ARPC5: variants seen among roughly 807,000 people sequenced by gnomAD.
The protein encoded by ARPC5 is actin-related protein 2/3 complex subunit 5.
In ARPC5, 5 loss-of-function variants were observed where a neutral mutation model predicts 15.4. The ratio of observed to expected loss-of-function variants is 0.32; its 90% CI spans 0.17 to 0.68. The LOEUF (loss-of-function observed/expected upper bound fraction) is 0.68, where lower values mean the gene tolerates loss of function less well. Ranked by LOEUF, ARPC5 falls within the 30% of genes least tolerant of loss-of-function variation. The probability of loss-of-function intolerance (pLI) is 0.71; values close to 1 mark genes in which losing one functional copy is unlikely to be tolerated. For synonymous variants in ARPC5, 85 were observed against 72.2 expected (o/e 1.18, Z -0.90); for missense variants, 138 against 192.8 (o/e 0.72, Z 1.68).
At chr1:183,628,265 TAGTC>T (rs1168324562) in intron 3 of ARPC5, among the ~76,000 whole-genome samples, 2 of 147,646 alleles carry the variant, frequency 1.4e-5, no homozygotes, top group Non-Finnish European at 1.5e-5. Context: ...TCTCACCACA[TAGTC>T]AGAAGAAAAT....
Position 183,623,537 on chromosome 1 carries a change from G to C in ARPC5, c.*3995C>G. The C allele has an allele frequency of 6.5e-7, 1 of 1,549,418 alleles. No individual in the cohort carries two copies. The highest frequency in any genetic ancestry group is 1.7e-4 in the Middle Eastern group (1 of 5,768). ...ACTAGTGACATTGGGGTGAGGGGGA[G>C]AGGGAGTGGGGCAGAGGTCCCGCGG... is the stretch of plus-strand genomic sequence containing the variant. On this transcript the variant is annotated 3_prime_UTR_variant, in exon 4 of 4. Transcript: ENST00000359856.
rs1309445357 is a variant in ARPC5 at position 183,622,595 on chromosome 1, A to C, written c.*4937T>G. The C allele has an allele frequency of 6.6e-6, 1 of 152,242 alleles. No homozygotes were observed. The highest frequency in any genetic ancestry group is 2.4e-5 in the African/African-American group (1 of 41,458). The allele number at this position is 152,242 out of a possible 1,614,324, so 9.4% of individuals were successfully genotyped here. ...TAAGGAAAACAAGGGGTATTGGGTC[A>C]CATCTCTGCTCTTAGAAGGTGATGC... On this transcript the variant is annotated 3_prime_UTR_variant, in exon 4 of 4. Transcript: ENST00000359856.
intron 3 of ARPC5, among the ~76,000 whole-genome samples, chr1:183,630,068 C>T (rs1373334200): frequency 1.3e-5 from 2 of 152,114 alleles, no homozygotes; most frequent in African/African-American, 4.8e-5. Flanking sequence ...AATGTCATTC[C>T]TTTTAATGGT....
rs1302835361 is a variant in ARPC5 at position 183,626,774 on chromosome 1, G to GT, written c.*757dup. 1.3e-5 allele frequency: 2 copies of GT among 152,404 alleles called. No homozygotes were observed. The highest frequency in any genetic ancestry group is 4.8e-5 in the African/African-American group (2 of 41,440). 9.4% of individuals were successfully genotyped at this position (152,404 alleles called of 1,614,324 possible). On this transcript the variant is annotated 3_prime_UTR_variant, in exon 4 of 4. Transcript: ENST00000359856. ...TGCAAATCATTCTTTCTGATTTGCA[G>GT]TTTTTTCCAAACAGAGCCATATTAG... is the stretch of plus-strand genomic sequence containing the variant.
intron 1 of ARPC5, chr1:183,633,858 CCAAT>C (rs1649338317): frequency 6.6e-6 from 1 of 152,158 alleles, no homozygotes; most frequent in East Asian, 1.9e-4. Flanking sequence ...AAACAGAAGG[CCAAT>C]CAGACTGTCA....
At chr1:183,630,800 C>A (rs995686932) in intron 2 of ARPC5, 163 bp from the exon 3 acceptor site, 1 of 647,060 alleles carries the variant, frequency 1.5e-6, no homozygotes, top group African/African-American at 1.8e-5. Flanking sequence ...GAGGAAAGAA[C>A]AGTGCTATTA....
In ARPC5 at chr1:183,626,343, G is replaced by C. The variant is rs1012617327; in HGVS notation, c.*1189C>G. 2 of 152,228 alleles carry C rather than the reference G, an allele frequency of 1.3e-5. No homozygotes were observed. The highest frequency in any genetic ancestry group is 1.3e-4 in the Admixed American group (2 of 15,282). The allele number at this position is 152,228 out of a possible 1,614,324, so 9.4% of individuals were successfully genotyped here. ...ACATAAGTCAGTGATTACAAAACTG[G>C]CATCCAATGTAAATACTAAGCACAA... is the stretch of plus-strand genomic sequence containing the variant. On this transcript the variant is annotated 3_prime_UTR_variant, in exon 4 of 4. Coordinates refer to ENST00000359856, the MANE Select transcript of ARPC5 (RefSeq NM_005717.4).
intron 1 of ARPC5, 79 bp downstream of exon 1, chr1:183,635,438 A>G: frequency 3.4e-6 from 5 of 1,468,672 alleles, no homozygotes; most frequent in Non-Finnish European, 4.5e-6. Flanking sequence ...TGCCCCGCGG[A>G]TCCTGCAGGC....
intron 3 of ARPC5, among the ~76,000 whole-genome samples, chr1:183,628,196 A>AAAAT (rs1649167777): frequency 6.7e-6 from 1 of 148,448 alleles, no homozygotes; most frequent in Admixed American, 6.6e-5. Context: ...AAAAAAAAAA[A>AAAAT]AAAAAATCTG....
intron 1 of ARPC5, 149 bp downstream of exon 1, chr1:183,635,368 G>C (rs1649443340): frequency 3.1e-6 from 3 of 961,312 alleles, no homozygotes; most frequent in Admixed American, 3.4e-5. Flanking sequence ...TGCCCTCTCA[G>C]AGCGGGCGAT....
In ARPC5 at chr1:183,623,408, T is replaced by A; in HGVS notation, c.*4124A>T. 6.5e-7 allele frequency: 1 copy of A among 1,550,340 alleles called. No individual in the cohort carries two copies. The highest frequency in any genetic ancestry group is 8.7e-7 in the Non-Finnish European group (1 of 1,146,782). On this transcript the variant is annotated 3_prime_UTR_variant, in exon 4 of 4. Coordinates refer to ENST00000359856, the MANE Select transcript of ARPC5 (RefSeq NM_005717.4). Reference sequence around the variant, plus strand: ...TGAAGTAGCACCACCTTGAGGCAGATGACATGCTGTACCTCTGTGGGCTTC... The same window carrying A: ...TGAAGTAGCACCACCTTGAGGCAGAAGACATGCTGTACCTCTGTGGGCTTC...
At chr1:183,629,851 A>G (rs1649215598) in intron 3 of ARPC5, among the ~76,000 whole-genome samples, 1 of 152,160 alleles carries the variant, frequency 6.6e-6, no homozygotes, top group South Asian at 2.1e-4. Context: ...TACCACTCCA[A>G]GGAGGAACTC....
In ARPC5 at chr1:183,623,206, G is replaced by A; in HGVS notation, c.*4326C>T. 1.8e-6 allele frequency: 1 copy of A among 565,714 alleles called. No homozygotes were observed. 35.0% of individuals were successfully genotyped at this position (565,714 alleles called of 1,614,324 possible). ...AGGTGGGTCATACACTACTCAATTT[G>A]TGTTTCATGTGGTGTGGATTCTAGG... On this transcript the variant is annotated 3_prime_UTR_variant, in exon 4 of 4. Transcript: ENST00000359856.
intron 3 of ARPC5, among the ~76,000 whole-genome samples, chr1:183,629,580 TTA>T: frequency 6.6e-6 from 1 of 152,338 alleles, no homozygotes; most frequent in Admixed American, 6.5e-5. Flanking sequence ...ATCCAGTTTT[TTA>T]CCCAAAGCTC....
Position 183,628,471 on chromosome 1 carries a change from A to C in ARPC5, c.394-877T>G, listed in dbSNP as rs574138868. Reference sequence around the variant, plus strand: ...AGCTCTGGTTTCTTTCTGTTCAAAAAATATTTATGGAATACCTTTGTATAC... The same window carrying C: ...AGCTCTGGTTTCTTTCTGTTCAAAACATATTTATGGAATACCTTTGTATAC... On this transcript the variant is annotated intron_variant, in intron 3 of 3. Transcript: ENST00000359856. Among the ~76,000 whole-genome samples the C allele has an allele frequency of 3.0e-4, 45 of 152,324 alleles. No individual in the cohort carries two copies. The South Asian group carries it at 4.8e-3, about 16-fold the overall frequency.
Position 183,624,549 on chromosome 1 carries a change from CA to C in ARPC5, c.*2982del, listed in dbSNP as rs899696902. The C allele has an allele frequency of 7.3e-6, 1 of 137,786 alleles. No individual in the cohort carries two copies. Among genetic ancestry groups the C allele is most frequent in the Non-Finnish European group, 1.6e-5 (1 of 62,580 alleles). The allele number at this position is 137,786 out of a possible 1,614,324, so 8.5% of individuals were successfully genotyped here. A position where few individuals can be genotyped will look rare whatever the true frequency, so the allele number is the denominator to read the frequency against. ...CAAAACAAAACAAAACAAAACAAAACAAAAAACATTAAAACTGCAAGAACAG... is the reference window on the plus strand; with the variant it reads ...CAAAACAAAACAAAACAAAACAAAACAAAAACATTAAAACTGCAAGAACAG... On this transcript the variant is annotated 3_prime_UTR_variant, in exon 4 of 4. Coordinates refer to ENST00000359856, the MANE Select transcript of ARPC5 (RefSeq NM_005717.4).
intron 3 of ARPC5, among the ~76,000 whole-genome samples, chr1:183,629,488 G>A (rs1649204086): frequency 6.7e-6 from 1 of 148,736 alleles, no homozygotes; most frequent in Non-Finnish European, 1.5e-5. Flanking sequence ...GTTTTACTAT[G>A]TGCTTTTTTC....
chr1:183,633,372 T>C, intron 1 of ARPC5: 1 of 367,788 alleles, frequency 2.7e-6, no homozygotes, highest in Non-Finnish European at 4.9e-6. Flanking sequence ...GCAAAGACTG[T>C]TTCACCCTTG....
At chr1:183,632,552 G>A (rs1248127432) in intron 2 of ARPC5, 1 of 152,222 alleles carries the variant, frequency 6.6e-6, no homozygotes, top group African/African-American at 2.4e-5. Context: ...CATGTACATT[G>A]CATATAGCTG....
Sources: allele counts gnomAD v4.1 joint callset (sites outside exome capture counted in the v4.1 genomes callset), GRCh38; gene constraint gnomAD v4.1.1; transcripts MANE v1.5; gene names NCBI Gene and HGNC (gene_info 2026-07-23, HGNC 2026-07-21).